The following ERMP1 variants were observed in gnomAD, a reference collection of about 807,000 sequenced individuals.
ERMP1 encodes Felix-ina.
In ERMP1, 86 loss-of-function variants were observed where a neutral mutation model predicts 92.0. That is an observed-to-expected ratio of 0.93 (90% CI 0.79 to 1.12). ERMP1 has a LOEUF of 1.12. ERMP1 is among the 50% of genes most tolerant of loss of function. The probability of loss-of-function intolerance (pLI) is 0.00; values close to 1 mark genes in which losing one functional copy is unlikely to be tolerated. For missense variants in ERMP1, 1,342 were observed against 1,116.3 expected (o/e 1.20, Z -2.88); for synonymous variants, 530 against 412.8 (o/e 1.28, Z -3.44).
At chr9:5,807,963 GCT>G (rs946402268) in intron 8 of ERMP1, among the ~76,000 whole-genome samples, 7 of 151,914 alleles carry the variant, frequency 4.6e-5, no homozygotes, top group African/African-American at 1.7e-4. Flanking sequence ...CATTCTTATG[GCT>G]CTCTTATGGC....
chr9:5,840,394 T>C (rs911692015), intron 6 of ERMP1, among the ~76,000 whole-genome samples: 1 of 152,124 alleles, frequency 6.6e-6, no homozygotes, highest in Non-Finnish European at 1.5e-5. Context: ...AATCATGCCA[T>C]AGCCAAGGGT....
chr9:5,796,090 C>T (rs1197253082), intron 13 of ERMP1, among the ~76,000 whole-genome samples: 2 of 151,998 alleles, frequency 1.3e-5, no homozygotes, highest in Non-Finnish European at 2.9e-5. Context: ...AGGGATATTC[C>T]AACACGGATA....
chr9:5,803,652 T>C (rs992358307), intron 10 of ERMP1, among the ~76,000 whole-genome samples: 1 of 152,304 alleles, frequency 6.6e-6, no homozygotes, highest in East Asian at 1.9e-4. Context: ...ACCTAATCTA[T>C]AGATAACAAA....
intron 6 of ERMP1, among the ~76,000 whole-genome samples, chr9:5,811,602 C>G (rs1298211280): frequency 6.6e-6 from 1 of 152,176 alleles, no homozygotes; most frequent in African/African-American, 2.4e-5. Context: ...TATCTTTTCC[C>G]TTCTATTAGA....
chr9:5,787,596 G>C lies in ERMP1; in HGVS notation c.2387-3C>G. 6.2e-7 allele frequency: 1 copy of C among 1,605,360 alleles called. No individual in the cohort carries two copies. Among genetic ancestry groups the C allele is most frequent in the Non-Finnish European group, 8.5e-7 (1 of 1,177,556 alleles). ...ATAGAAGGACATATGGCTTGGTCCT[G>C]TAAGGTAAAAGGAAGAAAGAACAGT... is the stretch of plus-strand genomic sequence containing the variant. On this transcript the variant is annotated splice_polypyrimidine_tract_variant and splice_region_variant and intron_variant, in intron 13 of 14. Coordinates refer to ENST00000339450, the MANE Select transcript of ERMP1 (RefSeq NM_024896.3).
At chr9:5,863,273 C>G (rs1586851428) in intron 5 of ERMP1, among the ~76,000 whole-genome samples, 2 of 152,200 alleles carry the variant, frequency 1.3e-5, no homozygotes, top group South Asian at 4.1e-4. Flanking sequence ...ACTTTCAAAG[C>G]AGGAGTTTCT....
chr9:5,862,427 G>C (rs994697231), intron 5 of ERMP1, among the ~76,000 whole-genome samples: 7 of 151,714 alleles, frequency 4.6e-5, no homozygotes, highest in African/African-American at 1.7e-4. Flanking sequence ...CGAACTCCTG[G>C]ATTCAAGAGA....
chr9:5,821,128 A>T (rs1829519381), intron 4 of ERMP1, among the ~76,000 whole-genome samples: 2 of 152,258 alleles, frequency 1.3e-5, no homozygotes, highest in South Asian at 4.1e-4. Flanking sequence ...TAAAACATTT[A>T]AATTTTATGT....
At chr9:5,807,731 G>A (rs1246367164) in intron 8 of ERMP1, among the ~76,000 whole-genome samples, 2 of 151,992 alleles carry the variant, frequency 1.3e-5, no homozygotes, top group Non-Finnish European at 2.9e-5. Flanking sequence ...GGGCGACAGA[G>A]TGAGACTCTG....
chr9:5,831,527 G>C (rs973999839), intron 1 of ERMP1, among the ~76,000 whole-genome samples: 1 of 152,172 alleles, frequency 6.6e-6, no homozygotes, highest in Non-Finnish European at 1.5e-5. Flanking sequence ...AGGACTGCTT[G>C]AACCTGGGAG....
intron 13 of ERMP1, among the ~76,000 whole-genome samples, chr9:5,795,073 T>C (rs1024436173): frequency 2.0e-5 from 3 of 152,186 alleles, no homozygotes; most frequent in African/African-American, 7.2e-5. Flanking sequence ...TTACCTCAGG[T>C]ATGCAAAGCA....
At chr9:5,815,494 CAAAAA>C (rs3068691) in intron 4 of ERMP1, among the ~76,000 whole-genome samples, 2 of 97,416 alleles carry the variant, frequency 2.1e-5, no homozygotes, top group Non-Finnish European at 4.1e-5. Flanking sequence ...ACTGAAATAA[CAAAAA>C]AAAAAAAAAA....
intron 10 of ERMP1, among the ~76,000 whole-genome samples, chr9:5,803,661 A>G (rs774632187): frequency 5.9e-5 from 9 of 152,202 alleles, no homozygotes; most frequent in Admixed American, 1.3e-4. Flanking sequence ...ATAGATAACA[A>G]AAGTCCACTG....
At chr9:5,790,861 T>C (rs35508951) in intron 13 of ERMP1, among the ~76,000 whole-genome samples, 2,853 of 152,194 alleles carry the variant, frequency 0.019, 30 homozygotes, top group Non-Finnish European at 0.025. Flanking sequence ...TCAATTGAGC[T>C]TTGTGGGGTG....
intron 6 of ERMP1, among the ~76,000 whole-genome samples, chr9:5,841,294 T>C (rs1830159897): frequency 6.6e-6 from 1 of 152,210 alleles, no homozygotes; most frequent in Non-Finnish European, 1.5e-5. Context: ...TACTGATACG[T>C]ACTATAATGG....
chr9:5,813,503 T>C (rs1348003754), intron 4 of ERMP1, among the ~76,000 whole-genome samples: 1 of 152,262 alleles, frequency 6.6e-6, no homozygotes, highest in Middle Eastern at 3.4e-3. Context: ...GTATTTTGGA[T>C]TTTTTACTTT....
chr9:5,802,338 T>G (rs898664436), intron 10 of ERMP1, among the ~76,000 whole-genome samples: 25 of 152,230 alleles, frequency 1.6e-4, no homozygotes, highest in Non-Finnish European at 2.8e-4. Flanking sequence ...TTCTTCATTT[T>G]ATTTCTCTAC....
At chr9:5,861,764 T>C (rs1333784569) in intron 5 of ERMP1, among the ~76,000 whole-genome samples, 3 of 112,682 alleles carry the variant, frequency 2.7e-5, no homozygotes, top group African/African-American at 1.0e-4. Flanking sequence ...AAAAGAATAG[T>C]CCAAGGTCAA....
At chr9:5,854,145 G>C (rs1830343417) in intron 6 of ERMP1, among the ~76,000 whole-genome samples, 1 of 151,996 alleles carries the variant, frequency 6.6e-6, no homozygotes, top group Admixed American at 6.6e-5. Flanking sequence ...GAAAGAAGCT[G>C]CTGTGGGTGA....
Sources: allele counts gnomAD v4.1 joint callset (sites outside exome capture counted in the v4.1 genomes callset), GRCh38; gene constraint gnomAD v4.1.1; transcripts MANE v1.5; gene names NCBI Gene and HGNC (gene_info 2026-07-23, HGNC 2026-07-21).